Variants in FHOD3 observed in about 807,000 individuals in gnomAD.
FHOD3 encodes the protein FH1/FH2 domain-containing protein 3.
FHOD3 carries 90 observed loss-of-function variants against 173.0 expected under a neutral mutation model. The observed-to-expected ratio is 0.52, with a 90% CI of 0.44 to 0.62. The LOEUF is 0.62. Ranked by LOEUF, FHOD3 falls within the 20% of genes least tolerant of loss-of-function variation. The pLI is 0.00. For synonymous variants in FHOD3, 828 were observed against 823.0 expected, an observed-to-expected ratio of 1.01 and a Z score of -0.10; for missense variants, 1,945 against 2,034.7, an observed-to-expected ratio of 0.96 and a Z score of 0.85.
intron 1 of FHOD3, among the ~76,000 whole-genome samples, chr18:36,349,398 T>C (rs2046013900): frequency 6.6e-6 from 1 of 152,124 alleles, no homozygotes; most frequent in Admixed American, 6.5e-5. Context: ...CAAAATCACA[T>C]TGGGAGGATG....
intron 3 of FHOD3, among the ~76,000 whole-genome samples, chr18:36,411,696 T>C (rs565350567): frequency 6.6e-6 from 1 of 152,374 alleles, no homozygotes; most frequent in East Asian, 1.9e-4. Flanking sequence ...CTCCACCACC[T>C]GGCCTGAGTG....
chr18:36,601,324 G>C (rs17747476), intron 7 of FHOD3, among the ~76,000 whole-genome samples: 2 of 152,132 alleles, frequency 1.3e-5, no homozygotes, highest in African/African-American at 2.4e-5. Context: ...TGCCTTTTAC[G>C]TCTTGTAGTA....
chr18:36,535,632 T>C (rs2056964834), intron 5 of FHOD3, among the ~76,000 whole-genome samples: 1 of 152,232 alleles, frequency 6.6e-6, no homozygotes, highest in Non-Finnish European at 1.5e-5. Flanking sequence ...TGTGTTATAG[T>C]TACCATGTAG....
At chr18:36,759,043 T>G in intron 25 of FHOD3, 75 bp from the exon 26 acceptor site, 1 of 1,476,272 alleles carries the variant, frequency 6.8e-7, no homozygotes, top group Non-Finnish European at 9.2e-7. Flanking sequence ...TGCGATGATC[T>G]TTTTGCTGAC....
At chr18:36,639,368 G>A (rs916719720) in intron 10 of FHOD3, among the ~76,000 whole-genome samples, 3 of 152,058 alleles carry the variant, frequency 2.0e-5, no homozygotes, top group Non-Finnish European at 4.4e-5. Flanking sequence ...GTGAAACCCC[G>A]TCTCTGCTAA....
At chr18:36,334,688 T>C (rs553635635) in intron 1 of FHOD3, among the ~76,000 whole-genome samples, 1 of 152,266 alleles carries the variant, frequency 6.6e-6, no homozygotes, top group African/African-American at 2.4e-5. Flanking sequence ...ACAGTGAAGC[T>C]TGATGAAAAA....
rs1369280156 is a variant in FHOD3, at chr18:36,549,569, G to A, written c.512-26882G>A. The stretch of plus-strand genomic sequence containing the variant: ...TTTTTTTTTTTTGAGATGGAGTCTC[G>A]CTCTGTTACCCAGGCTGGAGTGCAG... On this transcript the variant is annotated intron_variant, in intron 5 of 28. Transcript: ENST00000590592. Among the ~76,000 whole-genome samples the A allele has an allele frequency of 8.9e-5, 10 of 112,676 alleles. No homozygotes were observed. The Admixed American group carries it at 9.0e-4, about 10-fold the overall frequency. The allele number at this position is 112,676 out of a possible 152,430, so 73.9% of individuals were successfully genotyped here.
chr18:36,334,279 A>G (rs985338962), intron 1 of FHOD3, among the ~76,000 whole-genome samples: 3 of 152,268 alleles, frequency 2.0e-5, no homozygotes, highest in African/African-American at 7.2e-5. Context: ...TGGGACATAC[A>G]GAAAAGCCCA....
intron 1 of FHOD3, among the ~76,000 whole-genome samples, chr18:36,340,406 A>G (rs924746550): frequency 1.7e-4 from 26 of 152,246 alleles, no homozygotes; most frequent in African/African-American, 5.3e-4. Flanking sequence ...TGGGGATTGG[A>G]GCATACATAT....
At position 36,652,838 on chromosome 18, in the gene FHOD3, C is replaced by T. The variant is rs1235962318; in HGVS notation, c.1555C>T (p.Pro519Ser). Residue 519 changes from proline to serine, a missense_variant, in exon 12 of 29, where the codon CCC becomes TCC. By Grantham distance (74) the Pro-to-Ser change is moderately conservative. Transcript: ENST00000590592. Reference protein sequence around the residue: ...SPTIDKLPYVPHSPFHLFSYD... With the variant: ...SPTIDKLPYVSHSPFHLFSYD... The stretch of plus-strand genomic sequence containing the variant: ...GACCATAGACAAGCTGCCCTACGTG[C>T]CCCACAGCCCCTTCCACCTCTTCTC... 6.5e-7 allele frequency: 1 copy of T among 1,536,002 alleles called. No homozygotes were observed. Among genetic ancestry groups the T allele is most frequent in the Admixed American group, 2.0e-5 (1 of 50,998 alleles).
chr18:36,731,674 G>C (rs1173616049), intron 20 of FHOD3, among the ~76,000 whole-genome samples: 1 of 152,226 alleles, frequency 6.6e-6, no homozygotes, highest in Non-Finnish European at 1.5e-5. Flanking sequence ...GGCATGGACA[G>C]AACCAATGAT....
chr18:36,525,325 A>C (rs542773044), intron 5 of FHOD3, among the ~76,000 whole-genome samples: 4 of 152,314 alleles, frequency 2.6e-5, no homozygotes, highest in African/African-American at 9.6e-5. Flanking sequence ...GCAAGTTGCC[A>C]TGAGTTCTAC....
At chr18:36,576,343 A>C (rs2058647861) in intron 5 of FHOD3, 108 bp from the exon 6 acceptor site, 1 of 658,484 alleles carries the variant, frequency 1.5e-6, no homozygotes, top group Non-Finnish European at 2.4e-6. Context: ...TTTGATTCTT[A>C]ACATACTGTG....
intron 13 of FHOD3, among the ~76,000 whole-genome samples, chr18:36,654,996 C>G (rs916116739): frequency 1.3e-5 from 2 of 151,816 alleles, no homozygotes; most frequent in Admixed American, 1.3e-4. Flanking sequence ...CCTCTGATTT[C>G]CAGAATGGCT....
In FHOD3 at chr18:36,585,478, G is replaced by C. The variant is rs1194915755; in HGVS notation, c.606+8933G>C. On this transcript the variant is annotated intron_variant, in intron 6 of 28. Coordinates refer to ENST00000590592, the MANE Select transcript of FHOD3 (RefSeq NM_001281740.3). Reference sequence around the variant, plus strand: ...AAAAGGGAAAAAGCAAGTTTTACTAGTTATTGTTTTAGGAAGACCTCAGAG... The same window carrying C: ...AAAAGGGAAAAAGCAAGTTTTACTACTTATTGTTTTAGGAAGACCTCAGAG... Among the ~76,000 whole-genome samples the C allele has an allele frequency of 2.0e-5, 3 of 151,924 alleles. No individual in the cohort carries two copies. In the East Asian group the frequency reaches 5.8e-4, roughly 29 times the overall value.
chr18:36,404,602 G>A (rs1042262380), intron 3 of FHOD3, among the ~76,000 whole-genome samples: 13 of 152,118 alleles, frequency 8.5e-5, no homozygotes, highest in African/African-American at 2.7e-4. Flanking sequence ...GGTAGGTCTC[G>A]GGCGGGGCCT....
intron 2 of FHOD3, among the ~76,000 whole-genome samples, chr18:36,370,845 T>G (rs1248409433): frequency 6.6e-6 from 1 of 152,248 alleles, no homozygotes; most frequent in Admixed American, 6.5e-5. Context: ...TGCTCCTAGC[T>G]GCTGTCCCCG....
At chr18:36,691,182 A>G (rs559517788) in intron 16 of FHOD3, among the ~76,000 whole-genome samples, 2 of 152,170 alleles carry the variant, frequency 1.3e-5, no homozygotes, top group African/African-American at 2.4e-5. Flanking sequence ...GCAGAAGGCC[A>G]GGACCAGGAA....
intron 26 of FHOD3, among the ~76,000 whole-genome samples, chr18:36,760,289 T>G (rs2042814520): frequency 6.6e-6 from 1 of 152,204 alleles, no homozygotes; most frequent in African/African-American, 2.4e-5. Context: ...ACACATTTGG[T>G]TTTAGACCTT....
Sources: allele counts gnomAD v4.1 joint callset (sites outside exome capture counted in the v4.1 genomes callset), GRCh38; gene constraint gnomAD v4.1.1; transcripts MANE v1.5; gene names NCBI Gene and HGNC (gene_info 2026-07-23, HGNC 2026-07-21).